The following ZNF469 variants were observed in gnomAD, a reference collection of about 807,000 sequenced individuals.
ZNF469 encodes the protein zinc finger protein 469.
In ZNF469, 1 loss-of-function variant was observed where a neutral mutation model predicts 1.0. The observed-to-expected ratio is 1.00, with a 90% confidence interval of 0.35 to 4.73. The LOEUF (loss-of-function observed/expected upper bound fraction) is 4.73. ZNF469 is among the 30% of genes most tolerant of loss of function. The pLI is 0.16. For missense variants in ZNF469, 6,100 were observed against 5,356.3 expected, an observed-to-expected ratio of 1.14 and a Z score of -4.33; for synonymous variants, 2,703 against 2,363.4, an observed-to-expected ratio of 1.14 and a Z score of -4.17.
In ZNF469 at chr16:88,430,642, A is replaced by G; in HGVS notation, c.3172A>G (p.Lys1058Glu). 6.7e-7 allele frequency: 1 copy of G among 1,497,434 alleles called. No homozygotes were observed. Among genetic ancestry groups the G allele is most frequent in the Non-Finnish European group, 8.9e-7 (1 of 1,128,970 alleles). 92.8% of individuals were successfully genotyped at this position (1,497,434 alleles called of 1,614,324 possible). A position where few individuals can be genotyped will look rare whatever the true frequency, so the allele number is the denominator to read the frequency against. Residue 1058 changes from lysine (K) to glutamate (E), a missense_variant, in exon 3 of 3, where the codon AAG becomes GAG. Transcript: ENST00000565624. ...GCTCATTCTGAAGATCGTGCAGCAG[A>G]AGAACAGGCGCCACCGGCGGCTGGG... ...KELILKIVQQKNRRHRRLGRR... is the reference protein window; with the variant it reads ...KELILKIVQQENRRHRRLGRR...
chr16:88,110,484 G>A, the ZNF469 span, among the ~76,000 whole-genome samples: 1 of 152,242 alleles, frequency 6.6e-6, no homozygotes, highest in African/African-American at 2.4e-5. Flanking sequence ...TGCTTACAGT[G>A]TCTGTGAGTA....
At chr16:88,153,617 T>G in the ZNF469 span, among the ~76,000 whole-genome samples, 5 of 152,186 alleles carry the variant, frequency 3.3e-5, no homozygotes, top group African/African-American at 1.2e-4. Flanking sequence ...GACTGTGGAC[T>G]GCGGGAGGCC....
the ZNF469 span, among the ~76,000 whole-genome samples, chr16:88,364,651 C>T: frequency 2.6e-5 from 4 of 152,282 alleles, no homozygotes; most frequent in East Asian, 1.9e-4. Flanking sequence ...TTAGTGATGT[C>T]GTGCCATTTT....
intron 1 of ZNF469, among the ~76,000 whole-genome samples, chr16:88,393,958 G>A (rs1904568637): frequency 1.3e-5 from 2 of 152,266 alleles, no homozygotes; most frequent in South Asian, 4.1e-4. Flanking sequence ...CTGTCCGACA[G>A]GAGGGGGGTT....
At chr16:88,279,776 C>T in the ZNF469 span, among the ~76,000 whole-genome samples, 1 of 148,510 alleles carries the variant, frequency 6.7e-6, no homozygotes, top group Non-Finnish European at 1.5e-5. Context: ...TATCAGTGCA[C>T]AGTTAGTGCT....
At chr16:88,115,837 C>G in the ZNF469 span, among the ~76,000 whole-genome samples, 1 of 152,232 alleles carries the variant, frequency 6.6e-6, no homozygotes, top group Non-Finnish European at 1.5e-5. Flanking sequence ...TCTCCCAGCT[C>G]CTGGGCACTC....
the ZNF469 span, among the ~76,000 whole-genome samples, chr16:88,133,629 T>C: frequency 1.3e-5 from 2 of 150,730 alleles, no homozygotes; most frequent in South Asian, 2.1e-4. Flanking sequence ...AATCAATAGA[T>C]TAATAAAATA....
At chr16:88,305,697 A>G in the ZNF469 span, among the ~76,000 whole-genome samples, 1,393 of 152,210 alleles carry the variant, frequency 9.2e-3, 13 homozygotes, top group African/African-American at 0.031. Flanking sequence ...CACACGCATG[A>G]CCATACATGC....
chr16:88,271,561 A>C, the ZNF469 span, among the ~76,000 whole-genome samples: 1 of 140,336 alleles, frequency 7.1e-6, no homozygotes, highest in South Asian at 2.2e-4. Flanking sequence ...CTTGCTCCCA[A>C]CAGGGTCTGA....
the ZNF469 span, among the ~76,000 whole-genome samples, chr16:88,316,545 CTTTTTTTT>C: frequency 2.0e-5 from 2 of 100,990 alleles, no homozygotes; most frequent in Admixed American, 2.4e-4. Context: ...TAGGTGCTGT[CTTTTTTTT>C]TTTTTTTTTT....
the ZNF469 span, among the ~76,000 whole-genome samples, chr16:88,154,664 G>A: frequency 6.6e-6 from 1 of 152,336 alleles, no homozygotes; most frequent in South Asian, 2.1e-4. Flanking sequence ...GTTTGTAAGG[G>A]CTGCTTAGAC....
rs1244067401 is a variant in ZNF469 at position 88,431,116 on chromosome 16, C to T, written c.3646C>T (p.Arg1216Cys). 2 of 1,550,212 alleles carry T rather than the reference C, an allele frequency of 1.3e-6. No homozygotes were observed. Among genetic ancestry groups the T allele is most frequent in the Non-Finnish European group, 1.7e-6 (2 of 1,146,982 alleles). ...PTNTETSEET[R>C]PSLDFPQEAK... ...CAACACCGAGACCTCAGAGGAAACC[C>T]GCCCGTCGCTGGACTTTCCCCAGGA... The change falls in exon 3 of 3, where the codon CGC (arginine) becomes TGC (cysteine). Residue 1216 changes from arginine (R) to cysteine (C), a missense_variant. By Grantham distance (180) the Arg-to-Cys change is radical. Coordinates refer to ENST00000565624, the MANE Select transcript of ZNF469 (RefSeq NM_001367624.2).
chr16:88,243,933 T>C, the ZNF469 span, among the ~76,000 whole-genome samples: 4 of 104,560 alleles, frequency 3.8e-5, no homozygotes, highest in Non-Finnish European at 5.8e-5. Context: ...TATATATATA[T>C]ATATATATAT....
At chr16:88,123,733 G>A in the ZNF469 span, among the ~76,000 whole-genome samples, 2 of 152,142 alleles carry the variant, frequency 1.3e-5, no homozygotes, top group Non-Finnish European at 2.9e-5. Context: ...ATTTTCTAGT[G>A]ACTAATGATT....
chr16:88,342,409 A>C, the ZNF469 span, among the ~76,000 whole-genome samples: 2 of 152,084 alleles, frequency 1.3e-5, no homozygotes, highest in African/African-American at 4.8e-5. Flanking sequence ...CTCATGGCCG[A>C]ACCTGGATGG....
the ZNF469 span, among the ~76,000 whole-genome samples, chr16:88,277,138 C>A: frequency 1.3e-5 from 2 of 150,462 alleles, no homozygotes; most frequent in Non-Finnish European, 2.9e-5. Flanking sequence ...TGGTCAGTAC[C>A]GTGTAGATAT....
In ZNF469 at chr16:88,429,663, G is replaced by A. The variant is rs1905989979; in HGVS notation, c.2193G>A (p.Leu731=). ...SASLDQLDVL[L]TCRQCDRNYS... is the part of the protein sequence containing the mutation. ...GCCTGGACCAGCTGGACGTGCTGCT[G>A]ACCTGCAGGCAGTGTGACCGCAACT... The change falls in exon 3 of 3, where the codon CTG becomes CTA. Residue 731 remains leucine, a synonymous_variant. Coordinates refer to ENST00000565624, the MANE Select transcript of ZNF469 (RefSeq NM_001367624.2). The A allele has an allele frequency of 6.5e-7, 1 of 1,542,528 alleles. No individual in the cohort carries two copies. The highest frequency in any genetic ancestry group is 1.4e-5 in the African/African-American group (1 of 72,920).
chr16:88,360,233 T>A, the ZNF469 span, among the ~76,000 whole-genome samples: 17,585 of 152,054 alleles, frequency 0.12, 1,100 homozygotes, highest in African/African-American at 0.15. Context: ...TTGGCCAGGC[T>A]GGTCTCAAAC....
At chr16:88,243,571 A>C in the ZNF469 span, among the ~76,000 whole-genome samples, 1 of 152,144 alleles carries the variant, frequency 6.6e-6, no homozygotes, top group East Asian at 1.9e-4. Context: ...GGAGTAGAGC[A>C]TCTCCTTCAA....
Sources: gnomAD v4.1 joint callset for allele counts (sites outside exome capture counted in the v4.1 genomes callset) on GRCh38, gnomAD v4.1.1 for gene constraint, MANE v1.5 for transcripts, NCBI Gene and HGNC (gene_info 2026-07-23, HGNC 2026-07-21) for gene names.